Variants in PRKCA observed in about 807,000 individuals in gnomAD.
PRKCA encodes protein kinase C alpha type.
A neutral mutation model predicts 87.0 loss-of-function variants in PRKCA; 27 were observed. The ratio of observed to expected loss-of-function variants is 0.31; its 90% CI spans 0.23 to 0.43. PRKCA has a LOEUF of 0.43. Ranked by LOEUF, PRKCA falls within the 20% of genes least tolerant of loss-of-function variation. PRKCA has a pLI of 1.00. For missense variants in PRKCA, 518 were observed against 852.3 expected (o/e 0.61, Z 4.88); for synonymous variants, 329 against 311.1 (o/e 1.06, Z -0.61).
intron 13 of PRKCA, among the ~76,000 whole-genome samples, chr17:66,764,328 C>T (rs1187335689): frequency 1.3e-5 from 2 of 152,158 alleles, no homozygotes; most frequent in Non-Finnish European, 1.5e-5. Context: ...TTAGAAAGCT[C>T]CTGGAGTCCC....
In PRKCA at chr17:66,613,561, G is replaced by A. The variant is rs144959838; in HGVS notation, c.289-27794G>A. On this transcript the variant is annotated intron_variant, in intron 3 of 16. Transcript: ENST00000413366. The stretch of plus-strand genomic sequence containing the variant: ...GGTGTCTCCAGGCCATGCTTTGTGC[G>A]AGGCTCTAGGGAAGAATCCTTCCTT... Among the ~76,000 whole-genome samples, 1,037 of 152,134 alleles carry A rather than the reference G, an allele frequency of 6.8e-3. 14 individuals carry two copies. Among genetic ancestry groups the A allele is most frequent in the African/African-American group, 0.021 (885 of 41,502 alleles).
chr17:66,737,728 G>A (rs1010489726), intron 10 of PRKCA, among the ~76,000 whole-genome samples: 1 of 152,218 alleles, frequency 6.6e-6, no homozygotes, highest in African/African-American at 2.4e-5. Flanking sequence ...CGTTCCCACT[G>A]ACTCTGAATC....
intron 2 of PRKCA, among the ~76,000 whole-genome samples, chr17:66,338,455 G>A (rs1906841624): frequency 6.6e-6 from 1 of 152,088 alleles, no homozygotes; most frequent in African/African-American, 2.4e-5. Context: ...GGAAAGGCTG[G>A]CACGGGGAAC....
intron 2 of PRKCA, among the ~76,000 whole-genome samples, chr17:66,447,491 G>A (rs1473130668): frequency 6.6e-6 from 1 of 152,174 alleles, no homozygotes; most frequent in Non-Finnish European, 1.5e-5. Context: ...TCAGTAATTT[G>A]AATAGTAAAA....
chr17:66,420,120 C>G (rs932075639), intron 2 of PRKCA, among the ~76,000 whole-genome samples: 3 of 151,600 alleles, frequency 2.0e-5, no homozygotes, highest in African/African-American at 4.8e-5. Flanking sequence ...CAAGCGATTC[C>G]CCTGCCTCAG....
At chr17:66,358,849 G>C (rs749403584) in intron 2 of PRKCA, among the ~76,000 whole-genome samples, 1 of 151,542 alleles carries the variant, frequency 6.6e-6, no homozygotes, top group Non-Finnish European at 1.5e-5. Context: ...TCTTCTGCTT[G>C]ATTTCTATGG....
chr17:66,624,823 TAAAA>T (rs1388808035), intron 3 of PRKCA, among the ~76,000 whole-genome samples: 2 of 140,886 alleles, frequency 1.4e-5, no homozygotes, highest in Admixed American at 7.2e-5. Context: ...AATAAATAAA[TAAAA>T]AGAATTATTT....
At chr17:66,428,795 C>T (rs769500115) in intron 2 of PRKCA, among the ~76,000 whole-genome samples, 11 of 152,216 alleles carry the variant, frequency 7.2e-5, no homozygotes, top group African/African-American at 1.2e-4. Context: ...TGAGCCACCG[C>T]GCCCAGCCTG....
At chr17:66,664,250 A>C (rs934640046) in intron 5 of PRKCA, among the ~76,000 whole-genome samples, 1 of 152,020 alleles carries the variant, frequency 6.6e-6, no homozygotes, top group Non-Finnish European at 1.5e-5. Flanking sequence ...GTTTCTTCTG[A>C]GTGAATATGT....
intron 3 of PRKCA, among the ~76,000 whole-genome samples, chr17:66,522,746 T>C (rs971982352): frequency 6.6e-6 from 1 of 150,460 alleles, no homozygotes; most frequent in South Asian, 2.1e-4. Flanking sequence ...TTTGGGAAAA[T>C]AGTGTGAGAC....
At chr17:66,750,048 G>C (rs1974395257) in intron 13 of PRKCA, among the ~76,000 whole-genome samples, 1 of 152,054 alleles carries the variant, frequency 6.6e-6, no homozygotes, top group Non-Finnish European at 1.5e-5. Context: ...AGTATCTAAA[G>C]GTTCAAAGAG....
chr17:66,694,374 C>T (rs113230633), intron 8 of PRKCA, among the ~76,000 whole-genome samples: 10,337 of 147,130 alleles, frequency 0.07, 387 homozygotes, highest in Middle Eastern at 0.15. Flanking sequence ...CCCAGCTACT[C>T]GGGAGACTGA....
intron 2 of PRKCA, among the ~76,000 whole-genome samples, chr17:66,399,168 G>C (rs143398490): frequency 6.7e-6 from 1 of 148,704 alleles, no homozygotes; most frequent in African/African-American, 2.5e-5. Flanking sequence ...GTGCGATCGC[G>C]GCTCGCTGTA....
At chr17:66,791,978 G>A (rs1306996567) in intron 16 of PRKCA, among the ~76,000 whole-genome samples, 1 of 152,242 alleles carries the variant, frequency 6.6e-6, no homozygotes, top group Non-Finnish European at 1.5e-5. Flanking sequence ...ATTTCAAAGA[G>A]AGATGTAGCA....
chr17:66,369,247 T>C (rs1326112306), intron 2 of PRKCA, among the ~76,000 whole-genome samples: 1 of 152,208 alleles, frequency 6.6e-6, no homozygotes, highest in Non-Finnish European at 1.5e-5. Context: ...TTGCCTCTTT[T>C]TTATGAGCTT....
At chr17:66,519,802 G>A (rs775956663) in intron 3 of PRKCA, among the ~76,000 whole-genome samples, 3 of 152,210 alleles carry the variant, frequency 2.0e-5, no homozygotes, top group Non-Finnish European at 4.4e-5. Context: ...CTGGGGCCTG[G>A]CATTCTGCAT....
At chr17:66,375,367 T>C (rs1037616067) in intron 2 of PRKCA, among the ~76,000 whole-genome samples, 5 of 152,186 alleles carry the variant, frequency 3.3e-5, no homozygotes, top group Non-Finnish European at 5.9e-5. Context: ...AGCTTTTGCA[T>C]TGGACTTGCT....
chr17:66,704,771 TATG>T (rs1340918367), intron 8 of PRKCA, among the ~76,000 whole-genome samples: 9 of 152,342 alleles, frequency 5.9e-5, no homozygotes, highest in African/African-American at 2.2e-4. Flanking sequence ...AACAAATTAA[TATG>T]ATCCAATTAA....
chr17:66,528,500 C>T (rs1282903085), intron 3 of PRKCA, among the ~76,000 whole-genome samples: 3 of 152,050 alleles, frequency 2.0e-5, no homozygotes, highest in African/African-American at 7.2e-5. Flanking sequence ...GATGAACTCA[C>T]AAAAGGATGC....
Sources: allele counts gnomAD v4.1 joint callset (sites outside exome capture counted in the v4.1 genomes callset), GRCh38; gene constraint gnomAD v4.1.1; transcripts MANE v1.5; gene names NCBI Gene and HGNC (gene_info 2026-07-23, HGNC 2026-07-21).